TBXAS1: variants seen among roughly 807,000 people sequenced by gnomAD.
The protein encoded by TBXAS1 is thromboxane A synthase 1.
TBXAS1 carries 48 observed loss-of-function variants against 60.7 expected under a neutral mutation model. That is an observed-to-expected ratio of 0.79 (90% CI 0.63 to 1.01). TBXAS1 has a LOEUF of 1.01. TBXAS1 is among the 50% of genes least tolerant of loss of function. The probability of loss-of-function intolerance (pLI) is 0.00; values close to 1 mark genes in which losing one functional copy is unlikely to be tolerated. For missense variants in TBXAS1, 685 were observed against 686.3 expected (o/e 1.00, Z 0.02); for synonymous variants, 287 against 269.7 (o/e 1.06, Z -0.63).
At chr7:139,838,468 A>G (rs1374816161) in intron 1 of TBXAS1, among the ~76,000 whole-genome samples, 2 of 152,086 alleles carry the variant, frequency 1.3e-5, no homozygotes, top group Admixed American at 1.3e-4. Context: ...TCTCTTGCCC[A>G]TGTGACCCAC....
rs138321253 is a variant in TBXAS1 at position 139,796,611 on chromosome 7, A to G, written c.-80+9185A>G. Among the ~76,000 whole-genome samples the G allele has an allele frequency of 4.0e-3, 602 of 152,364 alleles. 5 individuals are homozygous for G. Among genetic ancestry groups the G allele is most frequent in the Non-Finnish European group, 6.5e-3 (440 of 68,042 alleles). Reference sequence around the variant, plus strand: ...AACTCATAAAATGTACAACACAAAGAGTGAACCTTGATGTAAACTATGGTC... The same window carrying G: ...AACTCATAAAATGTACAACACAAAGGGTGAACCTTGATGTAAACTATGGTC... On this transcript the variant is annotated intron_variant, in intron 4 of 16. Coordinates refer to the TBXAS1 transcript ENST00000336425.
intron 3 of TBXAS1, among the ~76,000 whole-genome samples, chr7:139,881,309 A>T (rs1298184852): frequency 3.3e-5 from 5 of 152,158 alleles, no homozygotes; most frequent in African/African-American, 4.8e-5. Flanking sequence ...TACATTTTGC[A>T]TCTTACTCAG....
intron 3 of TBXAS1, 43 bp downstream of exon 3, chr7:139,875,680 T>C (rs748931158): frequency 6.2e-7 from 1 of 1,606,816 alleles, no homozygotes; most frequent in Non-Finnish European, 8.5e-7. Context: ...CGATATTTTC[T>C]ATTATGTACG....
chr7:139,980,740 CT>C (rs1345436108), intron 9 of TBXAS1, among the ~76,000 whole-genome samples: 3 of 151,824 alleles, frequency 2.0e-5, no homozygotes, highest in East Asian at 3.9e-4. Flanking sequence ...CCTTCCCCCC[CT>C]GTCATTTCTG....
At chr7:140,007,599 T>C (rs2116392523) in intron 10 of TBXAS1, among the ~76,000 whole-genome samples, 1 of 152,320 alleles carries the variant, frequency 6.6e-6, no homozygotes, top group Non-Finnish European at 1.5e-5. Flanking sequence ...CCCTGACTGA[T>C]CTTGGAGCTG....
chr7:139,986,244 G>C (rs1483918177), intron 9 of TBXAS1, among the ~76,000 whole-genome samples: 2 of 152,194 alleles, frequency 1.3e-5, no homozygotes, highest in African/African-American at 4.8e-5. Context: ...GTAGGACTAG[G>C]ATTATCCCCA....
chr7:139,961,849 G>A (rs1250711958), intron 8 of TBXAS1, 70 bp from the exon 9 acceptor site: 4 of 1,584,234 alleles, frequency 2.5e-6, no homozygotes, highest in Non-Finnish European at 3.5e-6. Context: ...TTCCTCCTTT[G>A]TTCTCCAGGA....
intron 5 of TBXAS1, among the ~76,000 whole-genome samples, chr7:139,937,403 T>C (rs1007829046): frequency 6.6e-6 from 1 of 152,212 alleles, no homozygotes; most frequent in Middle Eastern, 3.2e-3. Flanking sequence ...TTCCTATAAA[T>C]CTTCTGAAGT....
intron 3 of TBXAS1, among the ~76,000 whole-genome samples, chr7:139,878,270 C>T (rs751004505): frequency 6.6e-6 from 1 of 151,268 alleles, no homozygotes; most frequent in African/African-American, 2.4e-5. Context: ...AGAGGTGGAG[C>T]GAATTGGTTT....
chr7:139,856,902 G>A (rs571276818), intron 1 of TBXAS1, among the ~76,000 whole-genome samples: 1 of 152,198 alleles, frequency 6.6e-6, no homozygotes. Context: ...CTTTCAGGGC[G>A]TTATGGCGTC....
chr7:139,807,660 G>A (rs1401945133), intron 4 of TBXAS1, among the ~76,000 whole-genome samples: 1 of 152,160 alleles, frequency 6.6e-6, no homozygotes, highest in Non-Finnish European at 1.5e-5. Flanking sequence ...TGGGATTACA[G>A]GCGTGAGCCA....
chr7:139,954,061 T>A, intron 6 of TBXAS1, among the ~76,000 whole-genome samples: 1 of 152,136 alleles, frequency 6.6e-6, no homozygotes, highest in East Asian at 1.9e-4. Flanking sequence ...CTGTATTTTA[T>A]GTGTGGCCAA....
intron 8 of TBXAS1, among the ~76,000 whole-genome samples, chr7:139,959,019 A>G (rs1810112475): frequency 1.3e-5 from 2 of 152,032 alleles, no homozygotes; most frequent in Admixed American, 1.3e-4. Flanking sequence ...ACACACACAC[A>G]CACACACACA....
chr7:139,940,941 G>A (rs1373939031), intron 5 of TBXAS1, among the ~76,000 whole-genome samples: 1 of 151,854 alleles, frequency 6.6e-6, no homozygotes, highest in African/African-American at 2.4e-5. Context: ...TTAAATAAGA[G>A]GATACAGCAA....
intron 9 of TBXAS1, among the ~76,000 whole-genome samples, chr7:139,995,887 C>G (rs1813249842): frequency 6.6e-6 from 1 of 152,170 alleles, no homozygotes. Context: ...AGCAGTCTGC[C>G]AGTCTCCCCT....
At chr7:139,956,142 TTTATTATTA>T (rs924664434) in intron 7 of TBXAS1, among the ~76,000 whole-genome samples, 1 of 151,944 alleles carries the variant, frequency 6.6e-6, no homozygotes, top group Non-Finnish European at 1.5e-5. Flanking sequence ...TTTTATTTTA[TTTATTATTA>T]TTATTATTTT....
intron 4 of TBXAS1, among the ~76,000 whole-genome samples, chr7:139,805,682 CTT>C (rs1323610656): frequency 2.2e-3 from 54 of 25,084 alleles, no homozygotes; most frequent in Non-Finnish European, 2.8e-3. Flanking sequence ...TTCTTTCTTT[CTT>C]TCTTTCTTTC....
At chr7:139,790,106 C>T (rs1797336969) in intron 4 of TBXAS1, among the ~76,000 whole-genome samples, 1 of 152,196 alleles carries the variant, frequency 6.6e-6, no homozygotes, top group African/African-American at 2.4e-5. Flanking sequence ...CCTCTCCATA[C>T]ATTATACATA....
chr7:139,836,975 A>C (rs981548763), intron 1 of TBXAS1, among the ~76,000 whole-genome samples: 1 of 152,204 alleles, frequency 6.6e-6, no homozygotes, highest in Non-Finnish European at 1.5e-5. Context: ...AGAAAAAAAC[A>C]ATCCCATCAA....
Sources: allele counts gnomAD v4.1 joint callset (sites outside exome capture counted in the v4.1 genomes callset), GRCh38; gene constraint gnomAD v4.1.1; transcripts MANE v1.5; gene names NCBI Gene and HGNC (gene_info 2026-07-23, HGNC 2026-07-21).